Variants in DMD observed in about 807,000 individuals in gnomAD.
DMD encodes the protein mutant dystrophin.
A neutral mutation model predicts 330.1 loss-of-function variants in DMD; 63 were observed. The observed-to-expected ratio is 0.19, with a 90% CI of 0.16 to 0.24. The LOEUF is 0.24. Ranked by LOEUF, DMD falls within the 10% of genes least tolerant of loss-of-function variation. The pLI is 1.00. For synonymous variants in DMD, 1,223 were observed against 959.8 expected, an observed-to-expected ratio of 1.27 and a Z score of -5.07; for missense variants, 3,344 against 2,684.1, an observed-to-expected ratio of 1.25 and a Z score of -5.43.
chrX:31,754,064 C>G (rs1396982924), intron 51 of DMD, among the ~76,000 whole-genome samples: 1 of 111,511 alleles, frequency 9.0e-6, no homozygotes, highest in African/African-American at 3.3e-5. Context: ...CTGTACTAAT[C>G]CACACACACG....
intron 41 of DMD, among the ~76,000 whole-genome samples, chrX:32,312,824 G>GA (rs2097567807): frequency 9.7e-6 from 1 of 103,119 alleles, no homozygotes; most frequent in Non-Finnish European, 2.0e-5. Context: ...AGAAAATCTA[G>GA]AAAAAATGGA....
intron 63 of DMD, among the ~76,000 whole-genome samples, chrX:31,228,690 G>C (rs1227693637): frequency 9.0e-6 from 1 of 111,665 alleles, no homozygotes; most frequent in Non-Finnish European, 1.9e-5. Context: ...CTTTCCCTGG[G>C]AGCTGACTTT....
intron 63 of DMD, among the ~76,000 whole-genome samples, chrX:31,229,384 T>C (rs1456367238): frequency 8.9e-6 from 1 of 112,309 alleles, no homozygotes; most frequent in Non-Finnish European, 1.9e-5. Flanking sequence ...AGGAGTGTTT[T>C]AGTCTATCTT....
chrX:32,032,204 T>G (rs1472016251), intron 44 of DMD, among the ~76,000 whole-genome samples: 1 of 111,543 alleles, frequency 9.0e-6, no homozygotes, highest in East Asian at 2.8e-4. Context: ...ACTTCATAAG[T>G]GATATGATTT....
At chrX:32,994,056 TG>T (rs1247874259) in intron 2 of DMD, among the ~76,000 whole-genome samples, 1 of 107,388 alleles carries the variant, frequency 9.3e-6, no homozygotes, top group African/African-American at 3.4e-5. Context: ...AAAGTTGGGG[TG>T]GGGGGGAATG....
intron 12 of DMD, among the ~76,000 whole-genome samples, chrX:32,606,742 TACAC>T (rs746453347): frequency 2.0e-5 from 1 of 50,573 alleles, no homozygotes; most frequent in Non-Finnish European, 4.1e-5. Flanking sequence ...TATATATATA[TACAC>T]ACACACATAC....
chrX:32,598,212 C>A (rs1232728678), intron 12 of DMD, among the ~76,000 whole-genome samples: 1 of 112,297 alleles, frequency 8.9e-6, no homozygotes, highest in Non-Finnish European at 1.9e-5. Flanking sequence ...AATAAAATGA[C>A]TATGCATCTA....
chrX:32,524,791 A>G (rs2046793446), intron 17 of DMD, among the ~76,000 whole-genome samples: 1 of 112,355 alleles, frequency 8.9e-6, no homozygotes, highest in Non-Finnish European at 1.9e-5. Flanking sequence ...GACTTTATAA[A>G]TTTGGAAAGG....
At chrX:32,795,649 A>G (rs1011591289) in intron 7 of DMD, among the ~76,000 whole-genome samples, 3 of 112,259 alleles carry the variant, frequency 2.7e-5, no homozygotes, top group Admixed American at 9.4e-5. Context: ...CTGTAAAACA[A>G]AGGAAGGATT....
At chrX:32,780,947 A>AAAAAAAT (rs1319038100) in intron 7 of DMD, among the ~76,000 whole-genome samples, 18 of 108,268 alleles carry the variant, frequency 1.7e-4, no homozygotes, top group Admixed American at 1.6e-3. Context: ...AAAAAAATAA[A>AAAAAAAT]AAAAAATAAA....
chrX:32,707,154 G>A (rs1012387642), intron 7 of DMD, among the ~76,000 whole-genome samples: 19 of 111,591 alleles, frequency 1.7e-4, no homozygotes, highest in African/African-American at 4.6e-4. Context: ...CTCCACAAAC[G>A]TTTATTGAGT....
At chrX:32,407,586 C>T (rs1265606068) in intron 30 of DMD, among the ~76,000 whole-genome samples, 1 of 110,724 alleles carries the variant, frequency 9.0e-6, no homozygotes, top group African/African-American at 3.3e-5. Context: ...GGATCTAGAA[C>T]TAGAAATACC....
At chrX:32,503,813 G>T (rs377436752) in intron 18 of DMD, among the ~76,000 whole-genome samples, 3 of 111,608 alleles carry the variant, frequency 2.7e-5, no homozygotes, top group South Asian at 3.8e-4. Flanking sequence ...CTCAGTGCTG[G>T]GGTGGGGCGG....
intron 2 of DMD, among the ~76,000 whole-genome samples, chrX:32,910,274 G>C (rs759457231): frequency 9.0e-6 from 1 of 111,267 alleles, no homozygotes; most frequent in South Asian, 3.8e-4. Flanking sequence ...ACATGAAAAT[G>C]ATTATGTAGG....
At chrX:33,169,891 A>G (rs1187791588) in intron 1 of DMD, among the ~76,000 whole-genome samples, 5 of 110,420 alleles carry the variant, frequency 4.5e-5, no homozygotes, top group Non-Finnish European at 9.5e-5. Context: ...CAGAAAAGCA[A>G]TCAGTCAATA....
At chrX:31,756,566 G>A in intron 51 of DMD, among the ~76,000 whole-genome samples, 1 of 112,697 alleles carries the variant, frequency 8.9e-6, no homozygotes, top group Non-Finnish European at 1.9e-5. Flanking sequence ...GCATTGCCTT[G>A]GGCAAGTCAC....
At chrX:32,977,183 C>T in intron 2 of DMD, among the ~76,000 whole-genome samples, 2 of 110,196 alleles carry the variant, frequency 1.8e-5, no homozygotes, top group Admixed American at 2.0e-4. Flanking sequence ...CCCTATAGTC[C>T]CAGCTGCTCA....
In DMD at chrX:32,776,288, C is replaced by T. The variant is rs1010614991; in HGVS notation, c.649+33205G>A. On this transcript the variant is annotated intron_variant, in intron 7 of 78. Coordinates refer to ENST00000357033, the MANE Select transcript of DMD (RefSeq NM_004006.3). ...ATCTTTCTGTCTTCTTCTGACCCCC[C>T]CCCCAAATTGTTCCAACCTCTGCCA... Among the ~76,000 whole-genome samples the T allele has an allele frequency of 2.0e-4, 22 of 108,632 alleles. 1 individual carries two copies. The highest frequency in any genetic ancestry group is 7.0e-4 in the African/African-American group (21 of 29,847). The allele number at this position is 108,632 out of a possible 115,157, so 94.3% of individuals were successfully genotyped here. A position where few individuals can be genotyped will look rare whatever the true frequency, so the allele number is the denominator to read the frequency against.
chrX:31,933,398 T>C (rs2094883465), intron 45 of DMD, among the ~76,000 whole-genome samples: 1 of 112,439 alleles, frequency 8.9e-6, no homozygotes, highest in Admixed American at 9.4e-5. Flanking sequence ...CTCGTGGAAG[T>C]TTTAATTATG....
Sources: gnomAD v4.1 joint callset for allele counts (sites outside exome capture counted in the v4.1 genomes callset) on GRCh38, gnomAD v4.1.1 for gene constraint, MANE v1.5 for transcripts, NCBI Gene and HGNC (gene_info 2026-07-23, HGNC 2026-07-21) for gene names.